Variants in VAPA observed in about 807,000 individuals in gnomAD.
VAPA encodes the protein VAMP associated protein A, also known as vesicle-associated membrane protein-associated protein A.
A neutral mutation model predicts 25.6 loss-of-function variants in VAPA; 6 were observed. The ratio of observed to expected loss-of-function variants is 0.23; its 90% CI spans 0.13 to 0.46. The LOEUF is 0.46. VAPA is among the 20% of genes least tolerant of loss of function. The pLI is 0.99. For synonymous variants in VAPA, 112 were observed against 106.2 expected, an observed-to-expected ratio of 1.05 and a Z score of -0.34; for missense variants, 244 against 302.1, an observed-to-expected ratio of 0.81 and a Z score of 1.43.
intron 4 of VAPA, among the ~76,000 whole-genome samples, chr18:9,944,262 C>A (rs1003196174): frequency 1.3e-5 from 2 of 152,068 alleles, no homozygotes; most frequent in East Asian, 3.9e-4. Context: ...GGGGTCTTAT[C>A]ATAAAATGGT....
In VAPA at chr18:9,958,593, T is replaced by G. The variant is rs923930541; in HGVS notation, c.*4382T>G. 10 of 152,106 alleles carry G rather than the reference T, an allele frequency of 6.6e-5. No homozygotes were observed. The highest frequency in any genetic ancestry group is 3.3e-4 in the Admixed American group (5 of 15,272). 9.4% of individuals were successfully genotyped at this position (152,106 alleles called of 1,614,324 possible). A position where few individuals can be genotyped will look rare whatever the true frequency, so the allele number is the denominator to read the frequency against. On this transcript the variant is annotated 3_prime_UTR_variant, in exon 6 of 6. Coordinates refer to ENST00000400000, the MANE Select transcript of VAPA (RefSeq NM_194434.3). ...GGTCTGGGGTGGAGATCTGGCATGGTAGTTTTTTTCAAGCTCCAATCATCG... is the reference window on the plus strand; with the variant it reads ...GGTCTGGGGTGGAGATCTGGCATGGGAGTTTTTTTCAAGCTCCAATCATCG...
rs757490968 is a variant in VAPA at position 9,955,730 on chromosome 18, A to G, written c.*1519A>G. 6.6e-5 allele frequency: 10 copies of G among 152,200 alleles called. No homozygotes were observed. Among genetic ancestry groups the G allele is most frequent in the Non-Finnish European group, 8.8e-5 (6 of 68,032 alleles). The allele number at this position is 152,200 out of a possible 1,614,324, so 9.4% of individuals were successfully genotyped here. ...TTCAACTGTGTTTTGAATTTGTCAGATCACACATATATTGTGTTATTGGGC... is the reference window on the plus strand; with the variant it reads ...TTCAACTGTGTTTTGAATTTGTCAGGTCACACATATATTGTGTTATTGGGC... On this transcript the variant is annotated 3_prime_UTR_variant, in exon 6 of 6. Transcript: ENST00000400000.
rs761321945 is a variant in VAPA at position 9,914,355 on chromosome 18, C to T, written c.79+20C>T. 7.7e-6 allele frequency: 12 copies of T among 1,560,830 alleles called. No homozygotes were observed. In the East Asian group the frequency reaches 1.9e-4, roughly 24 times the overall value. ...TCAAAGGTAGGCAGAACGGGGACAC[C>T]CCCGGGTGGGGTGGGGCGCGCGGAC... On this transcript the variant is annotated intron_variant, in intron 1 of 5. Coordinates refer to ENST00000400000, the MANE Select transcript of VAPA (RefSeq NM_194434.3).
In VAPA at chr18:9,955,710, CTG is replaced by C. The variant is rs1300094793; in HGVS notation, c.*1503_*1504del. 2.6e-5 allele frequency: 4 copies of C among 152,138 alleles called. No individual in the cohort carries two copies. The highest frequency in any genetic ancestry group is 9.7e-5 in the African/African-American group (4 of 41,416). The allele number at this position is 152,138 out of a possible 1,614,324, so 9.4% of individuals were successfully genotyped here. ...TATTTTGGTTGCCTTTTCATTTCAA[CTG>C]TGTTTTGAATTTGTCAGATCACACA... On this transcript the variant is annotated 3_prime_UTR_variant, in exon 6 of 6. Transcript: ENST00000400000.
At chr18:9,936,918 C>T (rs2069316920) in intron 3 of VAPA, 68 bp from the exon 4 acceptor site, 14 of 1,387,220 alleles carry the variant, frequency 1.0e-5, no homozygotes, top group East Asian at 4.7e-5. Flanking sequence ...TTAGCTGTCC[C>T]GTGAGGTGAA....
At chr18:9,952,607 A>G (rs2069502126) in intron 5 of VAPA, among the ~76,000 whole-genome samples, 1 of 151,026 alleles carries the variant, frequency 6.6e-6, no homozygotes, top group Non-Finnish European at 1.5e-5. Context: ...CCACTGGCTT[A>G]CAGAATTTCA....
At chr18:9,936,743 A>G in intron 3 of VAPA, 1 of 429,860 alleles carries the variant, frequency 2.3e-6, no homozygotes, top group Non-Finnish European at 4.1e-6. Flanking sequence ...AAATGCTAAG[A>G]AGAAAGTCCT....
intron 4 of VAPA, among the ~76,000 whole-genome samples, chr18:9,947,014 G>A (rs1224960354): frequency 1.3e-5 from 2 of 152,064 alleles, no homozygotes; most frequent in South Asian, 2.1e-4. Flanking sequence ...GCACAGGGGC[G>A]GGATCATCAG....
At position 9,943,841 on chromosome 18, in the gene VAPA, C is replaced by CTTTTTTTTTTTTTTTTTTTTTT. The variant is rs71169911; in HGVS notation, c.418-6538_418-6517dup. 1.4e-4 allele frequency among the ~76,000 whole-genome samples: 7 copies of CTTTTTTTTTTTTTTTTTTTTTT among 51,770 alleles called. 3 individuals carry two copies. Among genetic ancestry groups the CTTTTTTTTTTTTTTTTTTTTTT allele is most frequent in the African/African-American group, 1.9e-4 (3 of 15,570 alleles). 34.0% of individuals were successfully genotyped at this position (51,770 alleles called of 152,430 possible). On this transcript the variant is annotated intron_variant, in intron 4 of 5. Transcript: ENST00000400000. The stretch of plus-strand genomic sequence containing the variant: ...TGACATTTGAAGGTGACATATTTCC[C>CTTTTTTTTTTTTTTTTTTTTTT]TTTTTTTTTTTTTTTTTTTTTTTTT...
At chr18:9,928,193 A>G (rs777457669) in intron 1 of VAPA, among the ~76,000 whole-genome samples, 1 of 152,148 alleles carries the variant, frequency 6.6e-6, no homozygotes, top group Admixed American at 6.5e-5. Context: ...CTCTAAACCT[A>G]TTTATTACAT....
At chr18:9,931,526 CAGTTGTAA>C (rs2069254744) in intron 1 of VAPA, among the ~76,000 whole-genome samples, 1 of 152,076 alleles carries the variant, frequency 6.6e-6, no homozygotes, top group South Asian at 2.1e-4. Flanking sequence ...TGTAAAAATA[CAGTTGTAA>C]AGTTCATAGA....
rs2069086995 is a variant in VAPA at position 9,914,059 on chromosome 18, G to A, written c.-198G>A. 1 of 510,198 alleles carries A rather than the reference G, an allele frequency of 2.0e-6. No homozygotes were observed. The allele number at this position is 510,198 out of a possible 1,614,324, so 31.6% of individuals were successfully genotyped here. A position where few individuals can be genotyped will look rare whatever the true frequency, so the allele number is the denominator to read the frequency against. On this transcript the variant is annotated 5_prime_UTR_variant, in exon 1 of 6. Transcript: ENST00000400000. ...TGGCCGTGGCGGCTGGTGTGGGGTT[G>A]AGTCAGTTGTGGGACCCGGAGCTGC...
intron 4 of VAPA, chr18:9,947,714 G>C (rs2143418964): frequency 6.6e-6 from 1 of 152,268 alleles, no homozygotes; most frequent in South Asian, 2.1e-4. Flanking sequence ...TTCTGGACCA[G>C]TTTGAAGCAA....
intron 4 of VAPA, among the ~76,000 whole-genome samples, chr18:9,942,164 G>A (rs936650413): frequency 3.3e-5 from 5 of 152,036 alleles, no homozygotes; most frequent in Admixed American, 3.3e-4. Flanking sequence ...GTTCATAGGG[G>A]TTCCTTACAC....
intron 2 of VAPA, 54 bp from the exon 3 acceptor site, chr18:9,936,056 A>G (rs2069306737): frequency 1.6e-6 from 2 of 1,284,130 alleles, no homozygotes; most frequent in Non-Finnish European, 2.1e-6. Context: ...GTTTCAATGT[A>G]TGTCTTTCAG....
intron 1 of VAPA, among the ~76,000 whole-genome samples, chr18:9,931,260 C>T (rs1325813341): frequency 6.6e-6 from 1 of 152,140 alleles, no homozygotes; most frequent in African/African-American, 2.4e-5. Flanking sequence ...TGTTTGGGTG[C>T]AGAACCAAAG....
At chr18:9,952,049 C>T (rs987801404) in intron 5 of VAPA, among the ~76,000 whole-genome samples, 4 of 152,102 alleles carry the variant, frequency 2.6e-5, no homozygotes, top group African/African-American at 9.7e-5. Context: ...AGATGTGCTC[C>T]TTAGGGTGCT....
intron 4 of VAPA, 92 bp downstream of exon 4, chr18:9,937,158 G>T: frequency 2.2e-6 from 2 of 917,232 alleles, no homozygotes; most frequent in Non-Finnish European, 1.7e-6. Context: ...TGAGGTATGT[G>T]TGATATGGCT....
intron 1 of VAPA, among the ~76,000 whole-genome samples, chr18:9,922,771 A>G (rs555604393): frequency 2.0e-5 from 3 of 152,158 alleles, no homozygotes; most frequent in Non-Finnish European, 4.4e-5. Context: ...CCCAGGAATT[A>G]GTTTCTCTTG....
Sources: allele counts gnomAD v4.1 joint callset (sites outside exome capture counted in the v4.1 genomes callset), GRCh38; gene constraint gnomAD v4.1.1; transcripts MANE v1.5; gene names NCBI Gene and HGNC (gene_info 2026-07-23, HGNC 2026-07-21).